PRH1: variants seen among roughly 807,000 people sequenced by gnomAD.
PRH1 encodes the protein proline rich protein HaeIII subfamily 1.
In PRH1, 7 loss-of-function variants were observed where a neutral mutation model predicts 7.9. The ratio of observed to expected loss-of-function variants is 0.89; its 90% CI spans 0.50 to 1.67. PRH1 has a LOEUF of 1.67. Ranked by LOEUF, PRH1 falls within the 40% of genes most tolerant of loss-of-function variation. The pLI, the probability that PRH1 is intolerant of heterozygous loss-of-function variation, is 0.00. For synonymous variants in PRH1, 45 were observed against 80.8 expected (o/e 0.56, Z 2.38); for missense variants, 109 against 223.6 (o/e 0.49, Z 3.27).
rs71051557 is a variant in PRH1, at chr12:11,042,623, C to CTTTTTTT, written c.-126+4390_-126+4396dup. On this transcript the variant is annotated intron_variant, in intron 1 of 3. Transcript: ENST00000539853. ...AAGAGGGACTACTTCCAGGCTCATTCTTTTTTTTTTTTTTTTTTTTTTTTG... is the reference window on the plus strand; with the variant it reads ...AAGAGGGACTACTTCCAGGCTCATTCTTTTTTTTTTTTTTTTTTTTTTTTTTTTTTTG... Among the ~76,000 whole-genome samples the CTTTTTTT allele has an allele frequency of 1.1e-4, 9 of 79,308 alleles. 1 individual carries two copies. The highest frequency in any genetic ancestry group is 7.5e-4 in the East Asian group (2 of 2,656). 52.0% of individuals were successfully genotyped at this position (79,308 alleles called of 152,430 possible).
At chr12:11,064,195 A>C (rs1256042178) in intron 1 of PRH1, among the ~76,000 whole-genome samples, 1 of 152,072 alleles carries the variant, frequency 6.6e-6, no homozygotes, top group Non-Finnish European at 1.5e-5. Flanking sequence ...TTTTCTTTAC[A>C]CTTTACCAAC....
chr12:11,094,182 G>A (rs182097633), intron 1 of PRH1, among the ~76,000 whole-genome samples: 2,687 of 109,212 alleles, frequency 0.025, 742 homozygotes, highest in South Asian at 0.037. Flanking sequence ...TGGGCCTGTA[G>A]CCCCAGCTAC....
chr12:11,058,198 T>A (rs1181140274), intron 1 of PRH1, among the ~76,000 whole-genome samples: 3 of 152,194 alleles, frequency 2.0e-5, no homozygotes, highest in African/African-American at 7.2e-5. Context: ...ATCCTGCCAC[T>A]GCACTCCAGC....
chr12:10,884,511 AG>A (rs1401536591), upstream of PRH1, among the ~76,000 whole-genome samples: 1 of 152,200 alleles, frequency 6.6e-6, no homozygotes, highest in African/African-American at 2.4e-5. Flanking sequence ...CAGTCGGCAC[AG>A]TGTCAGGATT....
intron 1 of PRH1, among the ~76,000 whole-genome samples, chr12:11,092,584 A>C (rs118074127): frequency 0.22 from 24,070 of 110,134 alleles, 8,321 homozygotes; most frequent in Non-Finnish European, 0.3. Flanking sequence ...GATCCTGTTG[A>C]TTGGTGCATT....
At chr12:10,986,049 T>C (rs982533920) in intron 1 of PRH1, 33 of 1,613,918 alleles carry the variant, frequency 2.0e-5, no homozygotes, top group Non-Finnish European at 2.6e-5. Flanking sequence ...GAATGCAAGA[T>C]ATATGTTTCC....
At chr12:10,943,906 T>G (rs536942417) in intron 2 of PRH1, among the ~76,000 whole-genome samples, 6 of 152,320 alleles carry the variant, frequency 3.9e-5, no homozygotes, top group Non-Finnish European at 8.8e-5. Flanking sequence ...TTCTGGGATC[T>G]CTATTCTGTT....
chr12:11,052,418 A>G (rs1943186400), intron 1 of PRH1, among the ~76,000 whole-genome samples: 1 of 152,202 alleles, frequency 6.6e-6, no homozygotes. Context: ...AACATACTCT[A>G]TCTTCTACCT....
chr12:11,073,650 C>A (rs1337094096), intron 1 of PRH1, among the ~76,000 whole-genome samples: 1 of 151,884 alleles, frequency 6.6e-6, no homozygotes, highest in Non-Finnish European at 1.5e-5. Flanking sequence ...AGAATGAATG[C>A]AAAGACTAGT....
In PRH1 at chr12:10,953,594, C is replaced by A. The variant is rs529310526; in HGVS notation, c.-59+20061G>T. On this transcript the variant is annotated intron_variant, in intron 2 of 3. Transcript: ENST00000539853. ...AATGAAGAAGAATGCACAAAACCTC[C>A]AAGAAATATAATATTTTGTTAACAG... Among the ~76,000 whole-genome samples the A allele has an allele frequency of 8.5e-5, 13 of 152,166 alleles. No individual in the cohort carries two copies. The South Asian group carries it at 1.0e-3, about 12-fold the overall frequency.
chr12:11,151,896 C>T (rs535434941), intron 1 of PRH1, among the ~76,000 whole-genome samples: 1 of 151,702 alleles, frequency 6.6e-6, no homozygotes, highest in South Asian at 2.1e-4. Flanking sequence ...ATGGGTTAAA[C>T]CATCTTCACA....
intron 1 of PRH1, among the ~76,000 whole-genome samples, chr12:11,129,738 CA>C: frequency 6.6e-6 from 1 of 152,400 alleles, no homozygotes; most frequent in East Asian, 1.9e-4. Flanking sequence ...GAGGGAAAAT[CA>C]AAACAATTTG....
intron 1 of PRH1, among the ~76,000 whole-genome samples, chr12:11,081,724 A>T (rs117943081): frequency 4.4e-4 from 45 of 102,086 alleles, no homozygotes; most frequent in Admixed American, 7.0e-4. Flanking sequence ...TTGTATTCAA[A>T]GAATTAATTT....
At chr12:10,882,857 T>C (rs1425558553) in intron 2 of PRH1, among the ~76,000 whole-genome samples, 159 bp from the exon 3 acceptor site, 1 of 152,164 alleles carries the variant, frequency 6.6e-6, no homozygotes, top group African/African-American at 2.4e-5. Context: ...GAACTCCTCT[T>C]AATCCACATA....
intron 1 of PRH1, among the ~76,000 whole-genome samples, chr12:11,033,204 T>C (rs10845297): frequency 0.44 from 66,560 of 151,706 alleles, 15,398 homozygotes; most frequent in Non-Finnish European, 0.51. Context: ...CCATCTCTAC[T>C]AAAAATACAA....
intron 2 of PRH1, among the ~76,000 whole-genome samples, chr12:10,917,121 A>G (rs1004907521): frequency 2.0e-5 from 3 of 151,982 alleles, no homozygotes; most frequent in African/African-American, 7.2e-5. Context: ...TCATATATAC[A>G]GATATGTATA....
At chr12:10,962,469 C>T (rs1271356625) in intron 2 of PRH1, among the ~76,000 whole-genome samples, 2 of 152,136 alleles carry the variant, frequency 1.3e-5, no homozygotes, top group South Asian at 4.1e-4. Context: ...GATATAGCTG[C>T]ATCAAGGCTA....
intron 1 of PRH1, among the ~76,000 whole-genome samples, chr12:10,976,183 C>T (rs1283899422): frequency 6.6e-6 from 1 of 152,134 alleles, no homozygotes; most frequent in African/African-American, 2.4e-5. Context: ...TAAAACAATT[C>T]CTAGCAAATA....
chr12:11,011,303 C>T (rs939734461), intron 1 of PRH1, among the ~76,000 whole-genome samples: 4 of 151,998 alleles, frequency 2.6e-5, no homozygotes, highest in African/African-American at 4.8e-5. Flanking sequence ...CATTCTCTGA[C>T]CAGTGTCAAA....
Sources: allele counts gnomAD v4.1 joint callset (sites outside exome capture counted in the v4.1 genomes callset), GRCh38; gene constraint gnomAD v4.1.1; transcripts MANE v1.5; gene names NCBI Gene and HGNC (gene_info 2026-07-23, HGNC 2026-07-21).